The following AMZ1 variants were observed in gnomAD, a reference collection of about 807,000 sequenced individuals.
AMZ1 encodes archaelysin family metallopeptidase 1.
A neutral mutation model predicts 29.9 loss-of-function variants in AMZ1; 39 were observed. That is an observed-to-expected ratio of 1.30 (90% CI 1.01 to 1.70). AMZ1 has a LOEUF of 1.70. Among genes scored for constraint, AMZ1 ranks in the 40% most tolerant of loss-of-function variants. The probability of loss-of-function intolerance (pLI) is 0.00; values close to 1 mark genes in which losing one functional copy is unlikely to be tolerated. For missense variants in AMZ1, 1,041 were observed against 680.6 expected, an observed-to-expected ratio of 1.53 and a Z score of -5.89; for synonymous variants, 458 against 304.0, an observed-to-expected ratio of 1.51 and a Z score of -5.27.
chr7:2,724,109 G>A (rs985244294), downstream of AMZ1, among the ~76,000 whole-genome samples: 2 of 150,856 alleles, frequency 1.3e-5, no homozygotes, highest in Non-Finnish European at 3.0e-5. Flanking sequence ...GAGTGGGGGG[G>A]CGGGTCTCAC....
intron 3 of AMZ1, among the ~76,000 whole-genome samples, chr7:2,705,944 C>T (rs1788329007): frequency 6.6e-6 from 1 of 152,240 alleles, no homozygotes; most frequent in Admixed American, 6.5e-5. Flanking sequence ...TGGCCTCTGA[C>T]CTGTTGGTGC....
chr7:2,719,094 G>A lies in AMZ1; in HGVS notation c.*6216G>A, dbSNP rs572771592. Among the ~76,000 whole-genome samples the A allele has an allele frequency of 1.9e-4, 28 of 150,804 alleles. No individual in the cohort carries two copies. Among genetic ancestry groups the A allele is most frequent in the African/African-American group, 5.9e-4 (24 of 40,898 alleles). On this transcript the variant is annotated 3_prime_UTR_variant, in exon 7 of 7. Coordinates refer to ENST00000683327, the MANE Select transcript of AMZ1 (RefSeq NM_001384743.1). ...GTGCCCTTCTGGGTGGGTGGTGGCC[G>A]TCCTCTTGGGCGCCCCCTTGTGAGG...
chr7:2,707,129 T>G (rs1411845225), intron 3 of AMZ1, among the ~76,000 whole-genome samples: 1 of 151,960 alleles, frequency 6.6e-6, no homozygotes, highest in African/African-American at 2.4e-5. Flanking sequence ...AAAAATTAGC[T>G]GGGTGTGATG....
intron 3 of AMZ1, among the ~76,000 whole-genome samples, chr7:2,703,455 C>A (rs1788178165): frequency 6.6e-6 from 1 of 152,136 alleles, no homozygotes; most frequent in Non-Finnish European, 1.5e-5. Flanking sequence ...ATGAGCCCTT[C>A]TAAGGCCACT....
At position 2,713,725 on chromosome 7, in the gene AMZ1, G is replaced by GACAA. The variant is rs1788949660; in HGVS notation, c.*851_*854dup. 1.3e-5 allele frequency: 2 copies of GACAA among 152,576 alleles called. No homozygotes were observed. The highest frequency in any genetic ancestry group is 4.8e-5 in the African/African-American group (2 of 41,472). 9.5% of individuals were successfully genotyped at this position (152,576 alleles called of 1,614,324 possible). ...CCGGGGCTCTCCAGGCATCTCTTCTGACAAACACTGCAGGAGGTGAGGGTG... is the reference window on the plus strand; with the variant it reads ...CCGGGGCTCTCCAGGCATCTCTTCTGACAAACAAACACTGCAGGAGGTGAGGGTG... On this transcript the variant is annotated 3_prime_UTR_variant, in exon 7 of 7. Transcript: ENST00000683327.
intron 1 of AMZ1, among the ~76,000 whole-genome samples, chr7:2,699,838 C>T (rs763709942): frequency 6.6e-6 from 1 of 152,130 alleles, no homozygotes; most frequent in Non-Finnish European, 1.5e-5. Context: ...TCCAAGGCCT[C>T]TAGACAGAGT....
upstream of AMZ1, among the ~76,000 whole-genome samples, chr7:2,685,373 C>A (rs1407399087): frequency 1.3e-5 from 2 of 151,416 alleles, no homozygotes; most frequent in South Asian, 2.1e-4. Context: ...GCCTGGCCAA[C>A]AGGGTGAAGC....
At position 2,714,595 on chromosome 7, in the gene AMZ1, G is replaced by A. The variant is rs1418700679; in HGVS notation, c.*1717G>A. 1 of 152,274 alleles carries A rather than the reference G, an allele frequency of 6.6e-6. No individual in the cohort carries two copies. The highest frequency in any genetic ancestry group is 1.5e-5 in the Non-Finnish European group (1 of 68,062). The allele number at this position is 152,274 out of a possible 1,614,324, so 9.4% of individuals were successfully genotyped here. A position where few individuals can be genotyped will look rare whatever the true frequency, so the allele number is the denominator to read the frequency against. Reference sequence around the variant, plus strand: ...CAGAAGGTGAAAGCCGGAGCCTGGTGGCTGTTGCTGCAAACAACCACCCAA... The same window carrying A: ...CAGAAGGTGAAAGCCGGAGCCTGGTAGCTGTTGCTGCAAACAACCACCCAA... On this transcript the variant is annotated 3_prime_UTR_variant, in exon 7 of 7. Coordinates refer to ENST00000683327, the MANE Select transcript of AMZ1 (RefSeq NM_001384743.1).
At chr7:2,748,747 T>C (rs1212312339) in intron 4 of AMZ1, among the ~76,000 whole-genome samples, 2 of 152,204 alleles carry the variant, frequency 1.3e-5, no homozygotes, top group Admixed American at 6.5e-5. Context: ...GAGAAAATTT[T>C]TGCAACCTAC....
intron 4 of AMZ1, among the ~76,000 whole-genome samples, chr7:2,738,408 G>C (rs888928347): frequency 6.6e-6 from 1 of 152,214 alleles, no homozygotes; most frequent in Non-Finnish European, 1.5e-5. Context: ...TCTCCACGCA[G>C]TCAGGGGCTA....
At chr7:2,682,693 G>A (rs1164839853) in intron 1 of AMZ1, among the ~76,000 whole-genome samples, 1 of 152,104 alleles carries the variant, frequency 6.6e-6, no homozygotes, top group Non-Finnish European at 1.5e-5. Flanking sequence ...GGCCATACAC[G>A]GCTCCCCTGC....
At chr7:2,744,493 G>T (rs1790671072) in intron 4 of AMZ1, among the ~76,000 whole-genome samples, 1 of 152,142 alleles carries the variant, frequency 6.6e-6, no homozygotes. Context: ...AAACAGGAAG[G>T]ACATCCACAC....
intron 1 of AMZ1, among the ~76,000 whole-genome samples, chr7:2,697,514 T>C (rs1016945058): frequency 3.9e-5 from 6 of 151,960 alleles, no homozygotes; most frequent in South Asian, 2.1e-4. Context: ...GCCTTGACTT[T>C]CTGGGCTCAG....
chr7:2,708,467 C>G, intron 3 of AMZ1, 121 bp from the exon 4 acceptor site: 2 of 1,470,374 alleles, frequency 1.4e-6, no homozygotes, highest in Non-Finnish European at 9.1e-7. Context: ...GTGGCCCACA[C>G]CTGACTTGGG....
At position 2,700,310 on chromosome 7, in the gene AMZ1, C is replaced by G; in HGVS notation, c.-142C>G. 1.0e-6 allele frequency: 1 copy of G among 955,992 alleles called. No individual in the cohort carries two copies. The highest frequency in any genetic ancestry group is 1.7e-5 in the South Asian group (1 of 59,470). The allele number at this position is 955,992 out of a possible 1,614,324, so 59.2% of individuals were successfully genotyped here. Reference sequence around the variant, plus strand: ...GAGCTGGGCCTTAAGGGCCCTTGGACCAGTGTCTGTCTGCAGGGAGCCCCC... The same window carrying G: ...GAGCTGGGCCTTAAGGGCCCTTGGAGCAGTGTCTGTCTGCAGGGAGCCCCC... On this transcript the variant is annotated 5_prime_UTR_variant, in exon 2 of 7. Transcript: ENST00000683327.
intron 1 of AMZ1, among the ~76,000 whole-genome samples, chr7:2,700,002 C>G (rs1787957325): frequency 6.6e-6 from 1 of 152,146 alleles, no homozygotes; most frequent in African/African-American, 2.4e-5. Flanking sequence ...GTGACCGTCC[C>G]CTGGGTGGCC....
downstream of AMZ1, among the ~76,000 whole-genome samples, chr7:2,723,030 T>A (rs747103196): frequency 4.6e-4 from 70 of 152,144 alleles, no homozygotes; most frequent in South Asian, 8.3e-4. Flanking sequence ...TCAAGAAGGT[T>A]CACTGTGTAA....
chr7:2,717,787 G>A lies in AMZ1; in HGVS notation c.*4909G>A, dbSNP rs141788396. 4.9e-4 allele frequency among the ~76,000 whole-genome samples: 74 copies of A among 152,294 alleles called. No individual in the cohort carries two copies. The highest frequency in any genetic ancestry group is 1.6e-3 in the African/African-American group (67 of 41,562). ...TTGATGAATGAGAACCCGGAAGAAT[G>A]GAGGTTTATTTTTGAACTCAGCTTC... On this transcript the variant is annotated 3_prime_UTR_variant, in exon 7 of 7. Transcript: ENST00000683327.
intron 1 of AMZ1, among the ~76,000 whole-genome samples, chr7:2,682,036 G>A (rs1165861940): frequency 6.6e-6 from 1 of 152,200 alleles, no homozygotes; most frequent in African/African-American, 2.4e-5. Context: ...CACTGAGCGC[G>A]CCCCCAGCTC....
Sources: allele counts gnomAD v4.1 joint callset (sites outside exome capture counted in the v4.1 genomes callset), GRCh38; gene constraint gnomAD v4.1.1; transcripts MANE v1.5; gene names NCBI Gene and HGNC (gene_info 2026-07-23, HGNC 2026-07-21).